MCTP1: variants seen among roughly 807,000 people sequenced by gnomAD.
MCTP1 encodes multiple C2 and transmembrane domain-containing protein 1.
MCTP1 carries 69 observed loss-of-function variants against 120.6 expected under a neutral mutation model. That is an observed-to-expected ratio of 0.57 (90% CI 0.47 to 0.70). The LOEUF (loss-of-function observed/expected upper bound fraction) is 0.70. MCTP1 is among the 30% of genes least tolerant of loss of function. The pLI is 0.00. For missense variants in MCTP1, 1,203 were observed against 1,248.8 expected (o/e 0.96, Z 0.55); for synonymous variants, 529 against 493.1 (o/e 1.07, Z -0.96).
At chr5:95,261,382 C>G (rs1248815306) in intron 1 of MCTP1, among the ~76,000 whole-genome samples, 2 of 151,968 alleles carry the variant, frequency 1.3e-5, no homozygotes, top group African/African-American at 4.8e-5. Flanking sequence ...GATTCTGTAG[C>G]TGAAAAAAAA....
chr5:94,829,521 T>C (rs1180352744), intron 17 of MCTP1, among the ~76,000 whole-genome samples: 2 of 152,192 alleles, frequency 1.3e-5, no homozygotes, highest in Middle Eastern at 3.2e-3. Flanking sequence ...GCCAGTTTCC[T>C]GGCTGACTCT....
chr5:94,774,279 T>C (rs1251500987), intron 19 of MCTP1, among the ~76,000 whole-genome samples: 2 of 149,220 alleles, frequency 1.3e-5, no homozygotes, highest in Non-Finnish European at 3.0e-5. Context: ...CTAGGTTGTG[T>C]TCTGTGGCAC....
chr5:94,724,555 C>T (rs1412709125), intron 19 of MCTP1, among the ~76,000 whole-genome samples: 5 of 151,892 alleles, frequency 3.3e-5, no homozygotes, highest in Admixed American at 1.3e-4. Flanking sequence ...CCAAGAAAAC[C>T]CTTTTTAACT....
intron 1 of MCTP1, among the ~76,000 whole-genome samples, chr5:95,186,833 G>A (rs1173583206): frequency 6.6e-6 from 1 of 152,204 alleles, no homozygotes; most frequent in Non-Finnish European, 1.5e-5. Context: ...TCCATCCAGA[G>A]AGAGCCACAG....
At chr5:94,858,093 C>T (rs1338025140) in intron 17 of MCTP1, among the ~76,000 whole-genome samples, 3 of 151,620 alleles carry the variant, frequency 2.0e-5, no homozygotes, top group Non-Finnish European at 3.0e-5. Context: ...TCTTAGCTAC[C>T]ATTTAATCAA....
intron 1 of MCTP1, among the ~76,000 whole-genome samples, chr5:95,096,770 A>G (rs1756301483): frequency 6.6e-6 from 1 of 152,250 alleles, no homozygotes; most frequent in African/African-American, 2.4e-5. Flanking sequence ...CTGAAAGGGC[A>G]GGATTTTAAC....
chr5:94,966,727 G>A (rs1448697809), intron 2 of MCTP1, among the ~76,000 whole-genome samples: 1 of 151,926 alleles, frequency 6.6e-6, no homozygotes, highest in Non-Finnish European at 1.5e-5. Context: ...CCTGGGAGAC[G>A]GAGGTTGCAG....
chr5:94,775,518 C>T (rs1482714812), intron 19 of MCTP1, among the ~76,000 whole-genome samples: 1 of 152,100 alleles, frequency 6.6e-6, no homozygotes, highest in Non-Finnish European at 1.5e-5. Flanking sequence ...ACCACAAAGG[C>T]AGGATTTGGT....
intron 1 of MCTP1, among the ~76,000 whole-genome samples, chr5:95,079,382 TA>T (rs1419372246): frequency 2.0e-5 from 3 of 152,152 alleles, no homozygotes; most frequent in African/African-American, 7.2e-5. Context: ...CCTCCAAAAC[TA>T]GAGGTTTTCT....
chr5:95,285,035 C>T lies in MCTP1; in HGVS notation c.-460G>A, dbSNP rs1760635921. ...GCGCCCTCTGGGCAGCACCTGTCAGCGGCGGGGGCGGCTGCCTCCAAATTG... is the reference window on the plus strand; with the variant it reads ...GCGCCCTCTGGGCAGCACCTGTCAGTGGCGGGGGCGGCTGCCTCCAAATTG... On this transcript the variant is annotated 5_prime_UTR_variant, in exon 1 of 23. Transcript: ENST00000515393. 6.6e-6 allele frequency among the ~76,000 whole-genome samples: 1 copy of T among 152,026 alleles called. No individual in the cohort carries two copies. The highest frequency in any genetic ancestry group is 3.4e-3 in the Middle Eastern group (1 of 292).
intron 1 of MCTP1, among the ~76,000 whole-genome samples, chr5:95,031,949 A>G (rs1840385906): frequency 6.6e-6 from 1 of 152,138 alleles, no homozygotes; most frequent in African/African-American, 2.4e-5. Context: ...CTATTCTTGT[A>G]TCAGATAAAA....
intron 17 of MCTP1, among the ~76,000 whole-genome samples, chr5:94,821,099 T>A (rs1785544407): frequency 6.6e-6 from 1 of 152,202 alleles, no homozygotes; most frequent in Non-Finnish European, 1.5e-5. Context: ...TTTCATCGTC[T>A]GTATATAGTG....
chr5:95,027,852 A>T (rs902100681), intron 1 of MCTP1, among the ~76,000 whole-genome samples: 6 of 152,172 alleles, frequency 3.9e-5, no homozygotes, highest in Admixed American at 1.3e-4. Context: ...GACCGAGCAA[A>T]ATAAGCCAAG....
At chr5:95,142,246 C>T (rs1759993259) in intron 1 of MCTP1, among the ~76,000 whole-genome samples, 1 of 152,088 alleles carries the variant, frequency 6.6e-6, no homozygotes, top group Non-Finnish European at 1.5e-5. Flanking sequence ...AAAAAAACAC[C>T]ATGTAATTCT....
chr5:95,193,417 C>T (rs1750039719), intron 1 of MCTP1, among the ~76,000 whole-genome samples: 1 of 152,134 alleles, frequency 6.6e-6, no homozygotes, highest in South Asian at 2.1e-4. Flanking sequence ...CTTCATCATT[C>T]TGAGAAAACA....
intron 1 of MCTP1, among the ~76,000 whole-genome samples, chr5:95,077,369 CTCT>C (rs1404435689): frequency 6.6e-6 from 1 of 151,974 alleles, no homozygotes; most frequent in Non-Finnish European, 1.5e-5. Context: ...CTCTATCTGT[CTCT>C]TTTTTTCTCT....
chr5:94,890,988 C>T (rs1184105662), intron 11 of MCTP1, among the ~76,000 whole-genome samples: 1 of 152,128 alleles, frequency 6.6e-6, no homozygotes, highest in Non-Finnish European at 1.5e-5. Context: ...AAAAAGCATT[C>T]CCATCATCAT....
At chr5:94,912,428 CAAAAAAAAAAAAAAAAAAAAAAA>C (rs564439495) in intron 9 of MCTP1, among the ~76,000 whole-genome samples, 21 of 31,448 alleles carry the variant, frequency 6.7e-4, no homozygotes, top group African/African-American at 1.6e-3. Context: ...GAGACTCCAT[CAAAAAAAAAAAAAAAAAAAAAAA>C]AAAAAAAAAA....
chr5:94,774,207 CAAAAAAAAAAAAAAAAAAAAAAAAA>C (rs70978130), intron 19 of MCTP1, among the ~76,000 whole-genome samples: 4 of 4,184 alleles, frequency 9.6e-4, no homozygotes, highest in African/African-American at 1.3e-3. Context: ...GACTCCGTCT[CAAAAAAAAAAAAAAAAAAAAAAAAA>C]AAAAAAAAAA....
Sources: gnomAD v4.1 joint callset for allele counts (sites outside exome capture counted in the v4.1 genomes callset) on GRCh38, gnomAD v4.1.1 for gene constraint, MANE v1.5 for transcripts, NCBI Gene and HGNC (gene_info 2026-07-23, HGNC 2026-07-21) for gene names.